KCNQ2: variants seen among roughly 807,000 people sequenced by gnomAD.
The protein encoded by KCNQ2 is potassium voltage-gated channel subfamily KQT member 2.
Under a neutral mutation model 84.8 loss-of-function variants are expected in KCNQ2, and 14 were observed. That is an observed-to-expected ratio of 0.17 (90% CI 0.11 to 0.26). The LOEUF (loss-of-function observed/expected upper bound fraction) is 0.26, where lower values mean the gene tolerates loss of function less well. Ranked by LOEUF, KCNQ2 falls within the 10% of genes least tolerant of loss-of-function variation. The pLI, the probability that KCNQ2 is intolerant of heterozygous loss-of-function variation, is 1.00. For missense variants in KCNQ2, 788 were observed against 1,254.0 expected (o/e 0.63, Z 5.61); for synonymous variants, 599 against 554.1 (o/e 1.08, Z -1.14).
intron 7 of KCNQ2, among the ~76,000 whole-genome samples, chr20:63,436,530 CAA>C (rs1275574529): frequency 6.3e-5 from 7 of 110,488 alleles, no homozygotes; most frequent in Admixed American, 1.0e-4. Context: ...GACTCCGTCT[CAA>C]AAAAAAAAAA....
intron 10 of KCNQ2, among the ~76,000 whole-genome samples, chr20:63,427,735 G>A (rs571118567): frequency 1.6e-4 from 24 of 152,322 alleles, no homozygotes; most frequent in Admixed American, 7.8e-4. Flanking sequence ...GGGCCCGCCC[G>A]GAAAATCCAG....
rs371844101 is a variant in KCNQ2, at chr20:63,406,818, A to C, written c.2445T>G (p.Asp815Glu). 1.4e-5 allele frequency: 23 copies of C among 1,612,528 alleles called. No homozygotes were observed. Among genetic ancestry groups the C allele is most frequent in the Non-Finnish European group, 1.9e-5 (23 of 1,179,878 alleles). Reference protein sequence around the residue: ...FSISQSKENLDALNSCYAAVA... With the variant: ...FSISQSKENLEALNSCYAAVA... ...CGGCCGCGTAGCAGCTGTTGAGAGC[A>C]TCCAGGTTCTCCTTGGACTGGGAGA... Residue 815 changes from aspartate (D) to glutamate (E), a missense_variant, in exon 17 of 17, where the codon GAT (aspartate) becomes GAG (glutamate). Asp to Glu is a conservative substitution (Grantham distance 45). Around this residue, in one of 8 missense-constraint regions of KCNQ2, gnomAD observed 378 missense variants for 434.5 expected, o/e 0.87. Transcript: ENST00000359125.
chr20:63,450,192 A>C (rs1163636800), intron 1 of KCNQ2, among the ~76,000 whole-genome samples: 1 of 148,896 alleles, frequency 6.7e-6, no homozygotes, highest in African/African-American at 2.5e-5. Flanking sequence ...CCCTCACCCA[A>C]AGGGACGAAG....
At chr20:63,433,029 G>A (rs2080876292) in intron 8 of KCNQ2, among the ~76,000 whole-genome samples, 1 of 152,182 alleles carries the variant, frequency 6.6e-6, no homozygotes. Flanking sequence ...CCACACAGAC[G>A]GACTCGAGGG....
intron 5 of KCNQ2, among the ~76,000 whole-genome samples, chr20:63,440,671 G>A (rs906466713): frequency 9.9e-5 from 15 of 152,210 alleles, no homozygotes; most frequent in African/African-American, 3.4e-4. Context: ...ACCTTGGGGA[G>A]TTTACCCTGG....
At chr20:63,410,893 C>A (rs761530155) in intron 15 of KCNQ2, 1 of 392,212 alleles carries the variant, frequency 2.5e-6, no homozygotes, top group South Asian at 1.8e-5. Flanking sequence ...TCCAGGCCTC[C>A]GCCCCAGGGG....
intron 1 of KCNQ2, among the ~76,000 whole-genome samples, chr20:63,464,202 T>C (rs2082026103): frequency 6.6e-6 from 1 of 151,978 alleles, no homozygotes; most frequent in Non-Finnish European, 1.5e-5. Flanking sequence ...CCGCCCAGCA[T>C]CCCCTGTCTG....
chr20:63,423,805 G>C (rs1001370967), intron 11 of KCNQ2: 15 of 316,602 alleles, frequency 4.7e-5, no homozygotes, highest in African/African-American at 2.8e-4. Context: ...GTCGACTCAG[G>C]CCAGCTGTGA....
chr20:63,455,807 A>C (rs1600831544), intron 1 of KCNQ2, among the ~76,000 whole-genome samples: 1 of 119,896 alleles, frequency 8.3e-6, no homozygotes, highest in African/African-American at 3.3e-5. Flanking sequence ...CGGACCCCCC[A>C]CCTCCGGGAG....
intron 4 of KCNQ2, among the ~76,000 whole-genome samples, chr20:63,442,736 T>TCACCATTATCACCA (rs1568934132): frequency 2.8e-5 from 1 of 36,222 alleles, no homozygotes; most frequent in Non-Finnish European, 5.2e-5. Context: ...CATCACCACC[T>TCACCATTATCACCA]CCACCATCAC....
intron 7 of KCNQ2, among the ~76,000 whole-genome samples, chr20:63,436,349 G>A (rs970362766): frequency 6.6e-6 from 1 of 152,150 alleles, no homozygotes; most frequent in Non-Finnish European, 1.5e-5. Context: ...GGCTAACACG[G>A]TGAAACCCCG....
At chr20:63,426,765 C>T (rs1249360991) in intron 10 of KCNQ2, among the ~76,000 whole-genome samples, 2 of 152,148 alleles carry the variant, frequency 1.3e-5, no homozygotes, top group Non-Finnish European at 2.9e-5. Context: ...CCTGCATCCT[C>T]ACTTCCTCCT....
chr20:63,462,895 A>G (rs978222162), intron 1 of KCNQ2, among the ~76,000 whole-genome samples: 3 of 152,202 alleles, frequency 2.0e-5, no homozygotes, highest in African/African-American at 7.2e-5. Context: ...GAGTGAACAC[A>G]CACAGACACA....
At position 63,472,546 on chromosome 20, in the gene KCNQ2, C is replaced by G. The variant is rs886056922; in HGVS notation, c.-83G>C. The G allele has an allele frequency of 1.7e-6, 2 of 1,186,534 alleles. No individual in the cohort carries two copies. Among genetic ancestry groups the G allele is most frequent in the Non-Finnish European group, 2.1e-6 (2 of 948,666 alleles). 73.5% of individuals were successfully genotyped at this position (1,186,534 alleles called of 1,614,324 possible). On this transcript the variant is annotated 5_prime_UTR_variant, in exon 1 of 17. Transcript: ENST00000359125. ...GGGGCGGCGCGGGCCCCAGCCCAGG[C>G]CCCCCGGCCGGGAGCCGCATGGCCG...
In KCNQ2 at chr20:63,452,928, G is replaced by A. The variant is rs1018198419; in HGVS notation, c.297-6091C>T. Among the ~76,000 whole-genome samples, 15 of 152,316 alleles carry A rather than the reference G, an allele frequency of 9.8e-5. No homozygotes were observed. In the East Asian group the frequency reaches 2.5e-3, roughly 25 times the overall value. On this transcript the variant is annotated intron_variant, in intron 1 of 16. Coordinates refer to ENST00000359125, the MANE Select transcript of KCNQ2 (RefSeq NM_172107.4). ...CAGCTGCAGGGGCAGGGGTTGGGGC[G>A]GGGGCTTCCAGGAAGAATAGTCCCT...
chr20:63,444,635 G>A lies in KCNQ2; in HGVS notation c.690+24C>T, dbSNP rs1229221856. On this transcript the variant is annotated intron_variant, in intron 4 of 16. Coordinates refer to ENST00000359125, the MANE Select transcript of KCNQ2 (RefSeq NM_172107.4). ...CTCTCGCTGGCTGGGGGCGCCCACC[G>A]CCAGCCTTGGGGCCGTGACTCACCT... 1.5e-5 allele frequency: 22 copies of A among 1,514,146 alleles called. No homozygotes were observed. The South Asian group carries it at 1.7e-4, about 12-fold the overall frequency. The allele number at this position is 1,514,146 out of a possible 1,614,324, so 93.8% of individuals were successfully genotyped here. A position where few individuals can be genotyped will look rare whatever the true frequency, so the allele number is the denominator to read the frequency against.
chr20:63,445,117 G>C, intron 3 of KCNQ2, 121 bp downstream of exon 3: 1 of 1,355,472 alleles, frequency 7.4e-7, no homozygotes, highest in Non-Finnish European at 1.0e-6. Context: ...GAAACTTCCA[G>C]AAGGAGCCAG....
intron 5 of KCNQ2, among the ~76,000 whole-genome samples, chr20:63,440,080 C>T (rs562803902): frequency 3.9e-5 from 6 of 152,324 alleles, no homozygotes; most frequent in African/African-American, 1.2e-4. Context: ...CCCAGAGGAA[C>T]GGGCAGGGCG....
intron 9 of KCNQ2, among the ~76,000 whole-genome samples, chr20:63,430,531 C>A (rs1426885497): frequency 1.3e-5 from 2 of 152,064 alleles, no homozygotes; most frequent in Admixed American, 1.3e-4. Flanking sequence ...CCCTTCTGGT[C>A]TATGTGGGGA....
Sources: gnomAD v4.1 joint callset for allele counts (sites outside exome capture counted in the v4.1 genomes callset) on GRCh38, gnomAD v4.1.1 for gene constraint, gnomAD v4.1.1 regional missense constraint, MANE v1.5 for transcripts, NCBI Gene and HGNC (gene_info 2026-07-23, HGNC 2026-07-21) for gene names.